SETBP1: variants seen among roughly 807,000 people sequenced by gnomAD.
SETBP1 encodes the protein SET binding protein 1.
A neutral mutation model predicts 101.0 loss-of-function variants in SETBP1; 9 were observed. The ratio of observed to expected loss-of-function variants is 0.09; its 90% CI spans 0.05 to 0.16. The LOEUF is 0.16. Among genes scored for constraint, SETBP1 ranks in the 10% least tolerant of loss-of-function variants. The pLI, the probability that SETBP1 is intolerant of heterozygous loss-of-function variation, is 1.00. For synonymous variants in SETBP1, 818 were observed against 788.5 expected (o/e 1.04, Z -0.63); for missense variants, 1,858 against 2,033.8 (o/e 0.91, Z 1.66).
At chr18:44,917,500 A>T (rs2070459045) in intron 3 of SETBP1, among the ~76,000 whole-genome samples, 1 of 152,174 alleles carries the variant, frequency 6.6e-6, no homozygotes, top group Non-Finnish European at 1.5e-5. Context: ...ACCCAGGACC[A>T]AGTTATATCT....
intron 4 of SETBP1, among the ~76,000 whole-genome samples, chr18:44,994,959 A>T (rs1448805877): frequency 6.6e-6 from 1 of 152,122 alleles, no homozygotes; most frequent in Non-Finnish European, 1.5e-5. Flanking sequence ...AGATACTCCC[A>T]AGCCTTTTGC....
intron 2 of SETBP1, among the ~76,000 whole-genome samples, chr18:44,828,902 G>T (rs948864098): frequency 4.6e-5 from 7 of 152,242 alleles, no homozygotes; most frequent in African/African-American, 1.7e-4. Flanking sequence ...AGAGCTCTCA[G>T]CAGACACTAC....
rs757312531 is a variant in SETBP1 at position 45,065,595 on chromosome 18, G to C, written c.*1897G>C. On this transcript the variant is annotated 3_prime_UTR_variant, in exon 6 of 6. Coordinates refer to ENST00000649279, the MANE Select transcript of SETBP1 (RefSeq NM_015559.3). ...ATATGCTTGCAAACATTACTGCTGCGTTATGGCACCAAGAGTTGGTTGAAA... is the reference window on the plus strand; with the variant it reads ...ATATGCTTGCAAACATTACTGCTGCCTTATGGCACCAAGAGTTGGTTGAAA... 2.0e-5 allele frequency: 3 copies of C among 152,146 alleles called. No individual in the cohort carries two copies. The highest frequency in any genetic ancestry group is 2.9e-5 in the Non-Finnish European group (2 of 68,022). 9.4% of individuals were successfully genotyped at this position (152,146 alleles called of 1,614,324 possible).
chr18:45,005,138 T>C lies in SETBP1; in HGVS notation c.4001-33347T>C, dbSNP rs146257486. Among the ~76,000 whole-genome samples the C allele has an allele frequency of 1.9e-3, 289 of 152,220 alleles. 4 individuals carry two copies. In the East Asian group the frequency reaches 0.026, roughly 14 times the overall value. ...TCATCACTACACAAGAAAAATAATA[T>C]ATAGGAAGAAAATACAACCTCATGT... On this transcript the variant is annotated intron_variant, in intron 4 of 5. Coordinates refer to ENST00000649279, the MANE Select transcript of SETBP1 (RefSeq NM_015559.3).
At chr18:44,795,715 T>A (rs1289626435) in intron 2 of SETBP1, among the ~76,000 whole-genome samples, 1 of 152,234 alleles carries the variant, frequency 6.6e-6, no homozygotes, top group Non-Finnish European at 1.5e-5. Flanking sequence ...TTAAAATCAT[T>A]GCTTAGAAAA....
chr18:45,023,559 A>G (rs761745446), intron 4 of SETBP1, among the ~76,000 whole-genome samples: 37 of 152,240 alleles, frequency 2.4e-4, no homozygotes, highest in Non-Finnish European at 4.8e-4. Flanking sequence ...TTGAGAATGT[A>G]GCATCAAATT....
At chr18:44,776,738 A>T (rs1174109630) in intron 2 of SETBP1, among the ~76,000 whole-genome samples, 1 of 152,260 alleles carries the variant, frequency 6.6e-6, no homozygotes, top group Non-Finnish European at 1.5e-5. Flanking sequence ...GGGAGATAAT[A>T]TCCTAGGAAA....
intron 3 of SETBP1, chr18:44,869,582 A>C (rs1420252818): frequency 3.5e-5 from 13 of 376,686 alleles, no homozygotes; most frequent in Non-Finnish European, 4.6e-5. Flanking sequence ...AAAGGGTTAA[A>C]CCAATGGCGG....
chr18:44,812,233 A>G (rs1191769843), intron 2 of SETBP1, among the ~76,000 whole-genome samples: 1 of 152,080 alleles, frequency 6.6e-6, no homozygotes, highest in Non-Finnish European at 1.5e-5. Flanking sequence ...CCACCGCCAC[A>G]TACACCCCTG....
chr18:45,019,586 C>A (rs1192332356), intron 4 of SETBP1, among the ~76,000 whole-genome samples: 1 of 152,150 alleles, frequency 6.6e-6, no homozygotes, highest in African/African-American at 2.4e-5. Context: ...GCTTAATTCT[C>A]AGGTTCCTGT....
At chr18:44,688,076 A>G (rs546354270) in intron 1 of SETBP1, among the ~76,000 whole-genome samples, 1 of 152,268 alleles carries the variant, frequency 6.6e-6, no homozygotes, top group Admixed American at 6.5e-5. Context: ...AGCACCTGGG[A>G]GCATACTGGT....
chr18:44,888,493 C>A (rs1355347591), intron 3 of SETBP1, among the ~76,000 whole-genome samples: 1 of 151,968 alleles, frequency 6.6e-6, no homozygotes, highest in Non-Finnish European at 1.5e-5. Context: ...GAATTGGTAC[C>A]AAAAGGATGC....
chr18:45,052,722 G>A lies in SETBP1; in HGVS notation c.4172-10357G>A, dbSNP rs557897662. ...GGTGTGAATTGCTTGTTGTTTTTAGGGAGAATACAAAGATAGTTAATTTTG... is the reference window on the plus strand; with the variant it reads ...GGTGTGAATTGCTTGTTGTTTTTAGAGAGAATACAAAGATAGTTAATTTTG... On this transcript the variant is annotated intron_variant, in intron 5 of 5. Transcript: ENST00000649279. Among the ~76,000 whole-genome samples, 12 of 152,194 alleles carry A rather than the reference G, an allele frequency of 7.9e-5. No homozygotes were observed. The South Asian group carries it at 2.5e-3, about 32-fold the overall frequency.
At chr18:44,872,589 G>A (rs930750734) in intron 3 of SETBP1, among the ~76,000 whole-genome samples, 3 of 152,184 alleles carry the variant, frequency 2.0e-5, no homozygotes, top group African/African-American at 7.2e-5. Flanking sequence ...GCAATCCAAG[G>A]CAAACGCTGG....
At chr18:45,047,690 A>G (rs998476199) in intron 5 of SETBP1, among the ~76,000 whole-genome samples, 1 of 152,220 alleles carries the variant, frequency 6.6e-6, no homozygotes, top group African/African-American at 2.4e-5. Context: ...GTCTCAGGCA[A>G]TGCAGAAGAA....
chr18:44,698,430 T>TTA (rs1275668369), intron 1 of SETBP1, among the ~76,000 whole-genome samples: 1 of 152,222 alleles, frequency 6.6e-6, no homozygotes, highest in African/African-American at 2.4e-5. Flanking sequence ...CCATGACCTT[T>TTA]TATTTCCAGC....
chr18:44,848,689 G>A (rs1181688526), intron 2 of SETBP1, among the ~76,000 whole-genome samples: 1 of 152,226 alleles, frequency 6.6e-6, no homozygotes, highest in Non-Finnish European at 1.5e-5. Context: ...CAGATGAGAA[G>A]GGTTGCAGAT....
intron 2 of SETBP1, among the ~76,000 whole-genome samples, chr18:44,771,717 C>A (rs1464742042): frequency 6.6e-6 from 1 of 152,074 alleles, no homozygotes; most frequent in Non-Finnish European, 1.5e-5. Context: ...CAGGGTTGTG[C>A]CCTGAATTCT....
chr18:44,681,313 T>C (rs1426889426), intron 1 of SETBP1, among the ~76,000 whole-genome samples: 1 of 152,174 alleles, frequency 6.6e-6, no homozygotes, highest in Non-Finnish European at 1.5e-5. Flanking sequence ...CAAACCATTA[T>C]CTCTTTGACC....
Sources: allele counts gnomAD v4.1 joint callset (sites outside exome capture counted in the v4.1 genomes callset), GRCh38; gene constraint gnomAD v4.1.1; transcripts MANE v1.5; gene names NCBI Gene and HGNC (gene_info 2026-07-23, HGNC 2026-07-21).